Variants in LAMA2 observed in about 807,000 individuals in gnomAD.
The protein encoded by LAMA2 is laminin subunit alpha-2.
Under a neutral mutation model 364.8 loss-of-function variants are expected in LAMA2, and 269 were observed. The ratio of observed to expected loss-of-function variants is 0.74; its 90% confidence interval spans 0.67 to 0.82. The LOEUF (loss-of-function observed/expected upper bound fraction) is 0.82, where lower values mean the gene tolerates loss of function less well. LAMA2 is among the 40% of genes least tolerant of loss of function. The pLI is 0.00. For missense variants in LAMA2, 3,807 were observed against 3,873.2 expected, an observed-to-expected ratio of 0.98 and a Z score of 0.45; for synonymous variants, 1,379 against 1,370.6, an observed-to-expected ratio of 1.01 and a Z score of -0.14.
intron 1 of LAMA2, among the ~76,000 whole-genome samples, chr6:129,042,393 A>G (rs911489525): frequency 2.0e-5 from 3 of 152,116 alleles, no homozygotes; most frequent in African/African-American, 7.2e-5. Flanking sequence ...ATCCATCTGA[A>G]CATATCTACC....
chr6:129,107,640 G>C (rs1562244812), intron 4 of LAMA2, among the ~76,000 whole-genome samples: 1 of 152,078 alleles, frequency 6.6e-6, no homozygotes, highest in African/African-American at 2.4e-5. Context: ...ATGATGGCTA[G>C]CATTTGTTGC....
At chr6:129,383,082 A>C (rs1219205870) in intron 34 of LAMA2, 40 bp from the exon 35 acceptor site, 2 of 1,516,990 alleles carry the variant, frequency 1.3e-6, no homozygotes, top group African/African-American at 1.4e-5. Context: ...TAGCTTCATC[A>C]TCTCTATTAA....
chr6:129,242,215 A>G (rs142827673), intron 12 of LAMA2, among the ~76,000 whole-genome samples: 22 of 152,300 alleles, frequency 1.4e-4, no homozygotes, highest in Non-Finnish European at 2.5e-4. Flanking sequence ...TACCATAGCC[A>G]TCTACTGTCC....
chr6:129,347,971 T>C (rs1429408684), intron 30 of LAMA2, among the ~76,000 whole-genome samples: 2 of 152,348 alleles, frequency 1.3e-5, no homozygotes, highest in East Asian at 3.9e-4. Flanking sequence ...ACTGGCTCTT[T>C]AGAGTTTCTC....
At chr6:129,446,095 A>G (rs1782358012) in intron 45 of LAMA2, among the ~76,000 whole-genome samples, 1 of 152,138 alleles carries the variant, frequency 6.6e-6, no homozygotes, top group African/African-American at 2.4e-5. Flanking sequence ...ATAGAATAAT[A>G]CAAATAGCAA....
In LAMA2 at chr6:129,185,526, A is replaced by C. The variant is rs570687204; in HGVS notation, c.1468-4679A>C. ...ATGTCTAAAGCACACATTTCTTCCT[A>C]AAAGAATGAAAATTGGTTCTTTGGG... is the stretch of plus-strand genomic sequence containing the variant. On this transcript the variant is annotated intron_variant, in intron 10 of 64. Coordinates refer to ENST00000421865, the MANE Select transcript of LAMA2 (RefSeq NM_000426.4). Among the ~76,000 whole-genome samples, 6 of 151,992 alleles carry C rather than the reference A, an allele frequency of 3.9e-5. No individual in the cohort carries two copies. In the South Asian group the frequency reaches 6.2e-4, roughly 16 times the overall value.
intron 40 of LAMA2, among the ~76,000 whole-genome samples, chr6:129,418,901 T>C (rs2114725513): frequency 6.6e-6 from 1 of 152,300 alleles, no homozygotes; most frequent in South Asian, 2.1e-4. Context: ...GGTATATATT[T>C]ATCATGTACA....
chr6:129,073,632 C>CT (rs893877981), intron 3 of LAMA2, among the ~76,000 whole-genome samples: 1 of 152,032 alleles, frequency 6.6e-6, no homozygotes, highest in Non-Finnish European at 1.5e-5. Context: ...TAAATAATCC[C>CT]TTTTTTCTGC....
intron 1 of LAMA2, among the ~76,000 whole-genome samples, chr6:128,921,794 T>C (rs1778752843): frequency 6.6e-6 from 1 of 151,630 alleles, no homozygotes; most frequent in South Asian, 2.1e-4. Flanking sequence ...GTCATGCTTG[T>C]GCGCTGCACC....
Position 129,291,614 on chromosome 6 carries a change from C to A in LAMA2, c.2750C>A (p.Pro917His). 6.2e-7 allele frequency: 1 copy of A among 1,612,210 alleles called. No individual in the cohort carries two copies. Among genetic ancestry groups the A allele is most frequent in the Non-Finnish European group, 8.5e-7 (1 of 1,178,294 alleles). The stretch of plus-strand genomic sequence containing the variant: ...TCACAGGTCTCTCTTCTCTTTGCAG[C>A]CTGTCGCTGTAATGCCGGTGGCTCT... Reference protein sequence around the residue: ...GDAVDAKNCQPCRCNAGGSFS... With the variant: ...GDAVDAKNCQHCRCNAGGSFS... The change falls in exon 20 of 65, where the codon CCC becomes CAC. Residue 917 changes from proline to histidine, a missense_variant and splice_region_variant. Pro to His is a moderately conservative substitution (Grantham distance 77, BLOSUM62 -2). This residue lies in a region of LAMA2 where 3,333 missense variants were observed against 3,345.7 expected (regional missense o/e 1.00). Transcript: ENST00000421865.
intron 12 of LAMA2, among the ~76,000 whole-genome samples, chr6:129,223,638 A>G (rs1302178160): frequency 6.6e-6 from 1 of 152,194 alleles, no homozygotes; most frequent in Admixed American, 6.5e-5. Context: ...GGTTTGTCAA[A>G]GATCAGATGG....
At chr6:128,987,074 T>G (rs1488854470) in intron 1 of LAMA2, among the ~76,000 whole-genome samples, 2 of 151,792 alleles carry the variant, frequency 1.3e-5, no homozygotes, top group Admixed American at 6.6e-5. Context: ...TGCAATCAGT[T>G]GTTTTGTGCA....
At chr6:129,421,673 TATC>T (rs1326947661) in intron 40 of LAMA2, among the ~76,000 whole-genome samples, 1 of 152,136 alleles carries the variant, frequency 6.6e-6, no homozygotes, top group Non-Finnish European at 1.5e-5. Flanking sequence ...TCCATTCCCT[TATC>T]ATGTGAAAAG....
intron 1 of LAMA2, among the ~76,000 whole-genome samples, chr6:128,891,310 G>C (rs1418412353): frequency 6.6e-6 from 1 of 152,076 alleles, no homozygotes; most frequent in Non-Finnish European, 1.5e-5. Context: ...CGAGTTGCTT[G>C]TAACTTAGAA....
intron 1 of LAMA2, among the ~76,000 whole-genome samples, chr6:129,046,002 T>C (rs1256344908): frequency 6.6e-6 from 1 of 152,214 alleles, no homozygotes; most frequent in Non-Finnish European, 1.5e-5. Context: ...CTGCCTGAGA[T>C]GGCTTTTGTG....
intron 3 of LAMA2, among the ~76,000 whole-genome samples, chr6:129,069,633 G>T (rs924850360): frequency 4.0e-5 from 6 of 148,670 alleles, no homozygotes; most frequent in African/African-American, 1.5e-4. Context: ...ATAATGACTG[G>T]GAGAGGGTAT....
intron 1 of LAMA2, among the ~76,000 whole-genome samples, chr6:128,996,274 G>A (rs1279357957): frequency 2.0e-5 from 3 of 152,102 alleles, no homozygotes; most frequent in African/African-American, 7.2e-5. Flanking sequence ...CAGAGGGAGG[G>A]AAATGTGAAA....
In LAMA2 at chr6:129,437,784, C is replaced by T. The variant is rs879477703; in HGVS notation, c.5969-862C>T. Reference sequence around the variant, plus strand: ...CTTAAGATATATTTGCAGTTTAATGCATACCTGAGTAAGATTTCTAAACTT... The same window carrying T: ...CTTAAGATATATTTGCAGTTTAATGTATACCTGAGTAAGATTTCTAAACTT... On this transcript the variant is annotated intron_variant, in intron 41 of 64. Coordinates refer to ENST00000421865, the MANE Select transcript of LAMA2 (RefSeq NM_000426.4). Among the ~76,000 whole-genome samples, 85 of 152,060 alleles carry T rather than the reference C, an allele frequency of 5.6e-4. 1 individual carries two copies. Among genetic ancestry groups the T allele is most frequent in the Admixed American group, 4.3e-3 (66 of 15,274 alleles).
intron 40 of LAMA2, among the ~76,000 whole-genome samples, chr6:129,422,432 G>A (rs896942698): frequency 1.3e-5 from 2 of 151,876 alleles, no homozygotes; most frequent in African/African-American, 4.8e-5. Flanking sequence ...AAGAGCCAGT[G>A]GAAAATCAAT....
Sources: allele counts gnomAD v4.1 joint callset (sites outside exome capture counted in the v4.1 genomes callset), GRCh38; gene constraint gnomAD v4.1.1; regional missense constraint gnomAD v4.1.1; transcripts MANE v1.5; gene names NCBI Gene and HGNC (gene_info 2026-07-23, HGNC 2026-07-21).